Variants in NBAS observed in about 807,000 individuals in gnomAD.
NBAS encodes the protein NAG/BC035112 fusion.
NBAS carries 219 observed loss-of-function variants against 302.5 expected under a neutral mutation model. The ratio of observed to expected loss-of-function variants is 0.72; its 90% CI spans 0.65 to 0.81. NBAS has a LOEUF of 0.81. Among genes scored for constraint, NBAS ranks in the 30% least tolerant of loss-of-function variants. NBAS has a pLI of 0.00. For missense variants in NBAS, 2,932 were observed against 2,841.6 expected (o/e 1.03, Z -0.72); for synonymous variants, 1,118 against 1,021.6 (o/e 1.09, Z -1.80).
intron 44 of NBAS, among the ~76,000 whole-genome samples, chr2:15,258,220 A>C (rs1173577499): frequency 1.3e-5 from 2 of 152,166 alleles, no homozygotes; most frequent in African/African-American, 4.8e-5. Flanking sequence ...TAAGCTGAGG[A>C]TGTACCTCAC....
the NBAS span, among the ~76,000 whole-genome samples, chr2:14,906,457 T>C: frequency 6.6e-6 from 1 of 152,214 alleles, no homozygotes; most frequent in South Asian, 2.1e-4. Context: ...GCTCAGCTAC[T>C]GAAGGCACGG....
At chr2:15,070,868 T>G in the NBAS span, among the ~76,000 whole-genome samples, 4 of 152,218 alleles carry the variant, frequency 2.6e-5, no homozygotes, top group African/African-American at 4.8e-5. Context: ...TCCTCCTCCC[T>G]GAGCCCTTTA....
the NBAS span, among the ~76,000 whole-genome samples, chr2:15,025,592 T>A: frequency 6.6e-6 from 1 of 152,216 alleles, no homozygotes. Context: ...TTCTTATCCA[T>A]GAGGATGGAA....
chr2:15,150,204 G>A, the NBAS span, among the ~76,000 whole-genome samples: 1 of 152,008 alleles, frequency 6.6e-6, no homozygotes, highest in Admixed American at 6.5e-5. Flanking sequence ...ATTAATATGT[G>A]TTCCAGAAAT....
chr2:14,859,340 A>C, the NBAS span, among the ~76,000 whole-genome samples: 1 of 152,018 alleles, frequency 6.6e-6, no homozygotes. Flanking sequence ...ACAACCTCAA[A>C]AATTTTTATG....
chr2:15,522,711 A>G (rs1301974990), intron 9 of NBAS, among the ~76,000 whole-genome samples: 1 of 152,238 alleles, frequency 6.6e-6, no homozygotes, highest in Non-Finnish European at 1.5e-5. Flanking sequence ...AGCGATATGC[A>G]GTTGACCCCT....
At chr2:15,498,453 G>A (rs1385210835) in intron 11 of NBAS, among the ~76,000 whole-genome samples, 1 of 152,190 alleles carries the variant, frequency 6.6e-6, no homozygotes, top group Non-Finnish European at 1.5e-5. Flanking sequence ...GCGAGGTTGT[G>A]GAGAAAAAGG....
chr2:15,042,114 T>G, the NBAS span, among the ~76,000 whole-genome samples: 1 of 152,236 alleles, frequency 6.6e-6, no homozygotes, highest in Non-Finnish European at 1.5e-5. Flanking sequence ...AGGCCTCATG[T>G]AAAAACGGAG....
the NBAS span, among the ~76,000 whole-genome samples, chr2:14,973,385 A>T: frequency 6.6e-6 from 1 of 152,256 alleles, no homozygotes; most frequent in Admixed American, 6.5e-5. Flanking sequence ...AAGAAATGAC[A>T]ATCCAGGAAT....
chr2:15,380,766 C>T (rs1266803829), intron 29 of NBAS, among the ~76,000 whole-genome samples: 2 of 152,062 alleles, frequency 1.3e-5, no homozygotes, highest in Non-Finnish European at 2.9e-5. Context: ...TGTCACTCTA[C>T]GGTTGGATAA....
At chr2:15,333,997 A>G (rs1672467207) in intron 35 of NBAS, among the ~76,000 whole-genome samples, 1 of 152,172 alleles carries the variant, frequency 6.6e-6, no homozygotes, top group South Asian at 2.1e-4. Context: ...GCTACCATTT[A>G]TTAAACACCT....
chr2:14,960,575 C>T, the NBAS span, among the ~76,000 whole-genome samples: 3 of 152,262 alleles, frequency 2.0e-5, no homozygotes, highest in South Asian at 6.2e-4. Context: ...AAGAAGTCTG[C>T]TTTAAAACAA....
chr2:15,263,812 G>A (rs1668955544), intron 44 of NBAS, among the ~76,000 whole-genome samples: 1 of 152,036 alleles, frequency 6.6e-6, no homozygotes, highest in Admixed American at 6.6e-5. Context: ...CTTTAACTGA[G>A]TTATTTGTTT....
intron 21 of NBAS, among the ~76,000 whole-genome samples, chr2:15,434,394 G>A (rs1253144895): frequency 6.6e-6 from 1 of 152,092 alleles, no homozygotes; most frequent in Admixed American, 6.5e-5. Context: ...GACACTGAAG[G>A]TCCTCAGAAC....
intron 6 of NBAS, among the ~76,000 whole-genome samples, chr2:15,549,717 G>C (rs1664285959): frequency 6.6e-6 from 1 of 151,976 alleles, no homozygotes; most frequent in African/African-American, 2.4e-5. Context: ...GAAAGACTGA[G>C]ACCCTGTCTC....
rs1285110641 is a variant in NBAS, at chr2:15,406,718, C to A, written c.2938-4417G>T. 5.3e-5 allele frequency among the ~76,000 whole-genome samples: 8 copies of A among 152,044 alleles called. No homozygotes were observed. The East Asian group carries it at 1.2e-3, about 22-fold the overall frequency. On this transcript the variant is annotated intron_variant, in intron 25 of 51. Transcript: ENST00000281513. Reference sequence around the variant, plus strand: ...AAATTAAGGTACAAAGGAACAAAAACCCTATCGAAGAATGGAGTAAGGACA... The same window carrying A: ...AAATTAAGGTACAAAGGAACAAAAAACCTATCGAAGAATGGAGTAAGGACA...
chr2:15,470,230 CCAAG>C, intron 16 of NBAS, among the ~76,000 whole-genome samples: 1 of 152,258 alleles, frequency 6.6e-6, no homozygotes, highest in Non-Finnish European at 1.5e-5. Context: ...GTCCCCTGCC[CCAAG>C]CAAGGTTTCC....
At chr2:15,040,597 G>T in the NBAS span, among the ~76,000 whole-genome samples, 1 of 152,186 alleles carries the variant, frequency 6.6e-6, no homozygotes, top group East Asian at 1.9e-4. Context: ...AAACAGATGT[G>T]GGGCTCAGCA....
the NBAS span, among the ~76,000 whole-genome samples, chr2:15,051,963 T>C: frequency 6.6e-6 from 1 of 152,186 alleles, no homozygotes; most frequent in Admixed American, 6.5e-5. Flanking sequence ...TTTCCCTGGT[T>C]GCAAGTGTTC....
Sources: gnomAD v4.1 joint callset for allele counts (sites outside exome capture counted in the v4.1 genomes callset) on GRCh38, gnomAD v4.1.1 for gene constraint, MANE v1.5 for transcripts, NCBI Gene and HGNC (gene_info 2026-07-23, HGNC 2026-07-21) for gene names.